The following GOSR1 variants were observed in gnomAD, a reference collection of about 807,000 sequenced individuals.
GOSR1 encodes the protein golgi SNAP receptor complex member 1, also known as 28 kDa Golgi SNARE protein.
In GOSR1, 21 loss-of-function variants were observed where a neutral mutation model predicts 35.5. The observed-to-expected ratio is 0.59, with a 90% confidence interval of 0.42 to 0.85. GOSR1 has a LOEUF of 0.85. Ranked by LOEUF, GOSR1 falls within the 40% of genes least tolerant of loss-of-function variation. GOSR1 has a pLI of 0.00. For missense variants in GOSR1, 285 were observed against 309.6 expected (o/e 0.92, Z 0.60); for synonymous variants, 94 against 106.6 (o/e 0.88, Z 0.73).
At chr17:30,522,138 T>TC in intron 8 of GOSR1, 116 bp from the exon 9 acceptor site, 2 of 803,022 alleles carry the variant, frequency 2.5e-6, no homozygotes, top group Non-Finnish European at 3.9e-6. Flanking sequence ...GTGAGTTTCT[T>TC]CCCCATGCCT....
chr17:30,519,143 C>G (rs191986636), intron 7 of GOSR1, among the ~76,000 whole-genome samples: 4 of 152,152 alleles, frequency 2.6e-5, no homozygotes, highest in Admixed American at 6.5e-5. Context: ...TCGCTGTAGC[C>G]CCCCCCTCCT....
chr17:30,484,836 T>C lies in GOSR1; in HGVS notation c.342+66T>C, dbSNP rs895877754. The C allele has an allele frequency of 7.4e-6, 6 of 815,292 alleles. No individual in the cohort carries two copies. The African/African-American group carries it at 1.0e-4, about 14-fold the overall frequency. The allele number at this position is 815,292 out of a possible 1,614,324, so 50.5% of individuals were successfully genotyped here. A position where few individuals can be genotyped will look rare whatever the true frequency, so the allele number is the denominator to read the frequency against. The stretch of plus-strand genomic sequence containing the variant: ...TTTGGGTTTTTTTTTTTTTAATCCC[T>C]GCATTGGATATGTGCACATATATTT... On this transcript the variant is annotated intron_variant, in intron 4 of 8. Coordinates refer to ENST00000451249, the MANE Select transcript of GOSR1 (RefSeq NM_001007025.2).
intron 6 of GOSR1, among the ~76,000 whole-genome samples, chr17:30,507,994 C>G (rs1193136833): frequency 8.6e-5 from 13 of 151,606 alleles, no homozygotes; most frequent in African/African-American, 3.2e-4. Context: ...ACAAGCTCTA[C>G]TGGGGGCAAA....
At chr17:30,504,829 A>C (rs578011214) in intron 6 of GOSR1, among the ~76,000 whole-genome samples, 1 of 152,294 alleles carries the variant, frequency 6.6e-6, no homozygotes, top group South Asian at 2.1e-4. Context: ...AATTATAATG[A>C]GTTTATTTTC....
chr17:30,523,659 G>A lies in GOSR1; in HGVS notation c.*1281G>A, dbSNP rs952198799. On this transcript the variant is annotated 3_prime_UTR_variant, in exon 9 of 9. Coordinates refer to ENST00000451249, the MANE Select transcript of GOSR1 (RefSeq NM_001007025.2). The stretch of plus-strand genomic sequence containing the variant: ...TCTGCCCGGCCGCCCCTGCCCGGCC[G>A]CCCCTACTGGGAAGTGAGGAGCCCC... 176 of 160,954 alleles carry A rather than the reference G, an allele frequency of 1.1e-3. No homozygotes were observed. The highest frequency in any genetic ancestry group is 2.0e-3 in the Non-Finnish European group (155 of 76,144). The allele number at this position is 160,954 out of a possible 1,614,324, so 10.0% of individuals were successfully genotyped here.
At chr17:30,517,328 G>A (rs983520440) in intron 7 of GOSR1, among the ~76,000 whole-genome samples, 2 of 152,152 alleles carry the variant, frequency 1.3e-5, no homozygotes, top group African/African-American at 4.8e-5. Flanking sequence ...AACCTCTGAA[G>A]TAACTTGTGT....
intron 1 of GOSR1, 21 bp downstream of exon 1, chr17:30,477,485 G>C: frequency 6.2e-7 from 1 of 1,605,382 alleles, no homozygotes; most frequent in Non-Finnish European, 8.5e-7. Flanking sequence ...GAAGGCCTCC[G>C]GGTGCGTCCT....
chr17:30,518,701 G>A (rs726664), intron 7 of GOSR1, among the ~76,000 whole-genome samples: 65,936 of 151,946 alleles, frequency 0.43, 15,087 homozygotes, highest in East Asian at 0.83. Flanking sequence ...GGCGGAGGTA[G>A]GAGGATGGCT....
chr17:30,491,087 T>C (rs952917441), intron 5 of GOSR1, among the ~76,000 whole-genome samples: 1 of 152,202 alleles, frequency 6.6e-6, no homozygotes, highest in African/African-American at 2.4e-5. Context: ...AACAGTAAGA[T>C]TGTTGTAATA....
intron 6 of GOSR1, among the ~76,000 whole-genome samples, chr17:30,502,131 A>G (rs553681943): frequency 6.6e-6 from 1 of 152,356 alleles, no homozygotes; most frequent in South Asian, 2.1e-4. Context: ...TTTTAACTAT[A>G]TAACATTTTG....
rs9891458 is a variant in GOSR1, at chr17:30,522,671, G to A, written c.*293G>A. The A allele has an allele frequency of 0.041, 8,431 of 208,112 alleles. 680 individuals carry two copies. The highest frequency in any genetic ancestry group is 0.17 in the African/African-American group (7,437 of 43,394). The allele number at this position is 208,112 out of a possible 1,614,324, so 12.9% of individuals were successfully genotyped here. ...AAACCAATCAAAAACAGAGTTTTCTGTGTTTCCATGATAGTGTTGAAGCCT... is the reference window on the plus strand; with the variant it reads ...AAACCAATCAAAAACAGAGTTTTCTATGTTTCCATGATAGTGTTGAAGCCT... On this transcript the variant is annotated 3_prime_UTR_variant, in exon 9 of 9. Coordinates refer to ENST00000451249, the MANE Select transcript of GOSR1 (RefSeq NM_001007025.2).
At chr17:30,480,055 C>T (rs1466968481) in intron 1 of GOSR1, 1 of 151,932 alleles carries the variant, frequency 6.6e-6, no homozygotes, top group East Asian at 1.9e-4. Flanking sequence ...ACCTGTAATC[C>T]TAGCACTTTG....
intron 5 of GOSR1, among the ~76,000 whole-genome samples, chr17:30,492,137 G>T (rs1286725294): frequency 6.6e-6 from 1 of 151,994 alleles, no homozygotes; most frequent in African/African-American, 2.4e-5. Flanking sequence ...TTAAATTTTT[G>T]ATAGTAGTGA....
intron 6 of GOSR1, among the ~76,000 whole-genome samples, chr17:30,504,886 T>C (rs1370844310): frequency 6.6e-6 from 1 of 152,270 alleles, no homozygotes; most frequent in Non-Finnish European, 1.5e-5. Context: ...AGTTTAGTTC[T>C]GACCTCTATG....
intron 4 of GOSR1, 157 bp downstream of exon 4, chr17:30,484,927 T>G (rs1452512571): frequency 1.0e-5 from 7 of 667,946 alleles, no homozygotes; most frequent in Non-Finnish European, 1.9e-5. Context: ...TTACTTTTTT[T>G]TGGGGTCACC....
chr17:30,520,453 T>A (rs1439148496), intron 8 of GOSR1: 1 of 153,820 alleles, frequency 6.5e-6, no homozygotes, highest in East Asian at 1.9e-4. Context: ...CCCGTGCAGA[T>A]GAGCTATAGC....
intron 4 of GOSR1, among the ~76,000 whole-genome samples, chr17:30,488,249 C>T (rs2143664106): frequency 6.7e-6 from 1 of 149,884 alleles, no homozygotes; most frequent in African/African-American, 2.5e-5. Flanking sequence ...ACTGCAACCT[C>T]TGCCTCCCGG....
chr17:30,484,844 A>G (rs772409116), intron 4 of GOSR1, 74 bp downstream of exon 4: 1 of 772,248 alleles, frequency 1.3e-6, no homozygotes, highest in South Asian at 1.4e-5. Flanking sequence ...CCTGCATTGG[A>G]TATGTGCACA....
At chr17:30,494,522 C>A (rs1323688119) in intron 6 of GOSR1, among the ~76,000 whole-genome samples, 1 of 152,120 alleles carries the variant, frequency 6.6e-6, no homozygotes, top group Non-Finnish European at 1.5e-5. Flanking sequence ...TTTCACTACT[C>A]CCTGATATTT....
Sources: gnomAD v4.1 joint callset for allele counts (sites outside exome capture counted in the v4.1 genomes callset) on GRCh38, gnomAD v4.1.1 for gene constraint, MANE v1.5 for transcripts, NCBI Gene and HGNC (gene_info 2026-07-23, HGNC 2026-07-21) for gene names.